Variants in OCLN observed in about 807,000 individuals in gnomAD.
The protein encoded by OCLN is phosphatase 1, regulatory subunit 115.
Under a neutral mutation model 47.9 loss-of-function variants are expected in OCLN, and 21 were observed. That is an observed-to-expected ratio of 0.44 (90% CI 0.31 to 0.63). The LOEUF is 0.63. Ranked by LOEUF, OCLN falls within the 30% of genes least tolerant of loss-of-function variation. OCLN has a pLI of 0.08. For missense variants in OCLN, 360 were observed against 571.0 expected (o/e 0.63, Z 3.77); for synonymous variants, 117 against 198.4 (o/e 0.59, Z 3.45).
At chr5:69,532,743 G>A (rs1769466565) in intron 4 of OCLN, among the ~76,000 whole-genome samples, 1 of 152,000 alleles carries the variant, frequency 6.6e-6, no homozygotes, top group African/African-American at 2.4e-5. Context: ...CGAGGTGGGT[G>A]GATCATTTAA....
intron 2 of OCLN, among the ~76,000 whole-genome samples, chr5:69,505,404 ACT>A (rs1415333096): frequency 5.3e-5 from 8 of 152,182 alleles, no homozygotes; most frequent in African/African-American, 1.7e-4. Context: ...ACATTTCATT[ACT>A]CTCCAAAGAA....
At chr5:69,522,375 A>G (rs951661605) in intron 4 of OCLN, among the ~76,000 whole-genome samples, 2 of 152,062 alleles carry the variant, frequency 1.3e-5, no homozygotes, top group African/African-American at 2.4e-5. Context: ...TTCCTCTCTC[A>G]TATTTCTTGT....
chr5:69,522,865 T>G (rs1186834821), intron 4 of OCLN, among the ~76,000 whole-genome samples: 1 of 144,320 alleles, frequency 6.9e-6, no homozygotes, highest in African/African-American at 2.5e-5. Context: ...TAGCTGGGAC[T>G]ACAGACATGT....
intron 1 of OCLN, among the ~76,000 whole-genome samples, chr5:69,496,326 C>T (rs971749968): frequency 6.6e-6 from 1 of 152,058 alleles, no homozygotes; most frequent in Non-Finnish European, 1.5e-5. Flanking sequence ...TCTCGATCTC[C>T]TGACCTCGTG....
intron 3 of OCLN, among the ~76,000 whole-genome samples, chr5:69,510,767 A>T (rs1294269216): frequency 6.6e-6 from 1 of 152,180 alleles, no homozygotes; most frequent in Non-Finnish European, 1.5e-5. Flanking sequence ...GTTGGGTTAT[A>T]CCTAGGGGTG....
At chr5:69,495,052 A>G (rs1409791907) in intron 1 of OCLN, among the ~76,000 whole-genome samples, 1 of 152,216 alleles carries the variant, frequency 6.6e-6, no homozygotes, top group Non-Finnish European at 1.5e-5. Flanking sequence ...TAGTGTTGGA[A>G]TTACTACCTT....
At chr5:69,496,288 C>CG (rs1561327415) in intron 1 of OCLN, among the ~76,000 whole-genome samples, 1 of 151,818 alleles carries the variant, frequency 6.6e-6, no homozygotes, top group Non-Finnish European at 1.5e-5. Flanking sequence ...TTAATAGAGG[C>CG]GGGGTTTCAC....
intron 3 of OCLN, 74 bp from the exon 4 acceptor site, chr5:69,513,874 A>T: frequency 1.6e-6 from 2 of 1,283,320 alleles, no homozygotes; most frequent in African/African-American, 1.5e-5. Flanking sequence ...TAAGGGTTTT[A>T]ATAATATGTA....
At chr5:69,549,361 A>AAAGAACTT (rs1769797354) in intron 7 of OCLN, among the ~76,000 whole-genome samples, 1 of 148,752 alleles carries the variant, frequency 6.7e-6, no homozygotes, top group Non-Finnish European at 1.5e-5. Flanking sequence ...AAAAAAAAAA[A>AAAGAACTT]AAGAACTTAA....
intron 4 of OCLN, among the ~76,000 whole-genome samples, chr5:69,516,316 G>A (rs1261845957): frequency 1.3e-5 from 2 of 152,238 alleles, no homozygotes; most frequent in Non-Finnish European, 2.9e-5. Flanking sequence ...CCAACACAGC[G>A]AAACCCCGTC....
intron 4 of OCLN, among the ~76,000 whole-genome samples, chr5:69,525,830 T>TTGTGTTGA (rs1466545033): frequency 6.6e-6 from 1 of 152,122 alleles, no homozygotes; most frequent in African/African-American, 2.4e-5. Context: ...CCCTTTTCCA[T>TTGTGTTGA]TGTGTTGATG....
chr5:69,514,250 T>C, intron 4 of OCLN, 141 bp downstream of exon 4: 1 of 773,262 alleles, frequency 1.3e-6, no homozygotes, highest in Admixed American at 2.1e-5. Context: ...TTACTCAGAA[T>C]TTTAAGAGGA....
In OCLN at chr5:69,509,774, C is replaced by T. The variant is rs760388803; in HGVS notation, c.684C>T (p.Tyr228=). ...ATACACCTGCAGCTACTGGACTCTACGTGGATCAGTATTTGTATCACTACT... is the reference window on the plus strand; with the variant it reads ...ATACACCTGCAGCTACTGGACTCTATGTGGATCAGTATTTGTATCACTACT... ...QFYTPAATGL[Y]VDQYLYHYCV... The change falls in exon 3 of 9, where the codon TAC becomes TAT. Residue 228 remains tyrosine (Y), a synonymous_variant. Coordinates refer to ENST00000396442, the MANE Select transcript of OCLN (RefSeq NM_001205254.2). 13 of 1,613,900 alleles carry T rather than the reference C, an allele frequency of 8.1e-6. No individual in the cohort carries two copies. The highest frequency in any genetic ancestry group is 5.3e-5 in the African/African-American group (4 of 74,904).
intron 1 of OCLN, among the ~76,000 whole-genome samples, chr5:69,496,560 AC>A (rs1768298724): frequency 8.2e-6 from 1 of 122,552 alleles, no homozygotes; most frequent in South Asian, 2.4e-4. Flanking sequence ...CTTTTTTTAT[AC>A]TTTTTTTTTT....
chr5:69,535,515 T>A (rs954955101), intron 5 of OCLN, among the ~76,000 whole-genome samples: 2 of 57,766 alleles, frequency 3.5e-5, no homozygotes, highest in Admixed American at 4.7e-4. Flanking sequence ...AGATAATTGG[T>A]ATGGACGGGG....
chr5:69,549,813 G>T (rs71279213), intron 7 of OCLN, among the ~76,000 whole-genome samples: 2 of 151,118 alleles, frequency 1.3e-5, no homozygotes, highest in South Asian at 4.2e-4. Context: ...ATAATCCAAG[G>T]CTGCTTTATT....
intron 4 of OCLN, among the ~76,000 whole-genome samples, chr5:69,532,230 A>G (rs1769451955): frequency 6.6e-6 from 1 of 151,578 alleles, no homozygotes; most frequent in Admixed American, 6.6e-5. Flanking sequence ...ATCTGATGCT[A>G]TTGGTTGTGT....
intron 5 of OCLN, among the ~76,000 whole-genome samples, chr5:69,536,733 C>T (rs1769598056): frequency 6.6e-6 from 1 of 151,462 alleles, no homozygotes; most frequent in South Asian, 2.1e-4. Flanking sequence ...CTTTGGGAGG[C>T]TGAGGCAGGT....
intron 4 of OCLN, among the ~76,000 whole-genome samples, chr5:69,520,726 G>A (rs764266604): frequency 9.2e-5 from 14 of 151,460 alleles, no homozygotes; most frequent in African/African-American, 2.7e-4. Context: ...TCTGTCACCC[G>A]TGTTGGAGTG....
Sources: gnomAD v4.1 joint callset for allele counts (sites outside exome capture counted in the v4.1 genomes callset) on GRCh38, gnomAD v4.1.1 for gene constraint, MANE v1.5 for transcripts, NCBI Gene and HGNC (gene_info 2026-07-23, HGNC 2026-07-21) for gene names.